The following ST6GAL2 variants were observed in gnomAD, a reference collection of about 807,000 sequenced individuals.
The protein encoded by ST6GAL2 is ST6 beta-galactoside alpha-2,6-sialyltransferase 2, also known as beta-galactoside alpha-2,6-sialyltransferase 2.
ST6GAL2 carries 24 observed loss-of-function variants against 37.5 expected under a neutral mutation model. The ratio of observed to expected loss-of-function variants is 0.64; its 90% CI spans 0.46 to 0.90. ST6GAL2 has a LOEUF of 0.90. Ranked by LOEUF, ST6GAL2 falls within the 40% of genes least tolerant of loss-of-function variation. The pLI is 0.00. For synonymous variants in ST6GAL2, 306 were observed against 295.1 expected (o/e 1.04, Z -0.38); for missense variants, 715 against 712.7 (o/e 1.00, Z -0.04).
chr2:106,826,657 C>T (rs183293180), intron 5 of ST6GAL2, among the ~76,000 whole-genome samples: 18 of 152,200 alleles, frequency 1.2e-4, no homozygotes, highest in Admixed American at 1.1e-3. Context: ...CCACCAGGCC[C>T]AGGTGAATTG....
chr2:106,847,960 A>C (rs1395172082), intron 1 of ST6GAL2, among the ~76,000 whole-genome samples: 1 of 152,128 alleles, frequency 6.6e-6, no homozygotes. Context: ...GAGTGAACTT[A>C]ATCTCCAGTG....
intron 1 of ST6GAL2, among the ~76,000 whole-genome samples, chr2:106,885,100 C>A (rs898630522): frequency 9.9e-5 from 15 of 151,472 alleles, no homozygotes; most frequent in Non-Finnish European, 1.8e-4. Flanking sequence ...AAGTAACCAG[C>A]ATGGGGTTTT....
chr2:106,878,881 T>C (rs1678622316), intron 1 of ST6GAL2, among the ~76,000 whole-genome samples: 1 of 152,158 alleles, frequency 6.6e-6, no homozygotes. Flanking sequence ...AAGAACAAGA[T>C]TGAGCTAATT....
rs1015055636 is a variant in ST6GAL2, at chr2:106,801,793, T to C, written c.*4885A>G. On this transcript the variant is annotated 3_prime_UTR_variant, in exon 6 of 6. Coordinates refer to ENST00000409382, the MANE Select transcript of ST6GAL2 (RefSeq NM_001142351.2). Reference sequence around the variant, plus strand: ...ACACATTTCATTTTAAAAATTATCATACAAAAGAATTCCCAAAGCTGTTAA... The same window carrying C: ...ACACATTTCATTTTAAAAATTATCACACAAAAGAATTCCCAAAGCTGTTAA... The C allele has an allele frequency of 3.9e-5, 6 of 152,206 alleles. No homozygotes were observed. The highest frequency in any genetic ancestry group is 8.8e-5 in the Non-Finnish European group (6 of 68,036). 9.4% of individuals were successfully genotyped at this position (152,206 alleles called of 1,614,324 possible). A position where few individuals can be genotyped will look rare whatever the true frequency, so the allele number is the denominator to read the frequency against.
rs1677013243 is a variant in ST6GAL2, at chr2:106,843,581, A to G, written c.397T>C (p.Phe133Leu). 2 of 1,613,984 alleles carry G rather than the reference A, an allele frequency of 1.2e-6. No homozygotes were observed. The highest frequency in any genetic ancestry group is 4.5e-5 in the East Asian group (2 of 44,852). Residue 133 changes from phenylalanine to leucine, a missense_variant, in exon 2 of 6, where the codon TTT (phenylalanine) becomes CTT (leucine). By Grantham distance (22) the Phe-to-Leu change is conservative. Coordinates refer to ENST00000409382, the MANE Select transcript of ST6GAL2 (RefSeq NM_001142351.2). ...TGCCACCCTGGCTGACCAGCAGCAA[A>G]AAAGTAGTCGTCATCCTCCGGGTAG... ...AFYPEDDDYFFAAGQPGWHSH... is the reference protein window; with the variant it reads ...AFYPEDDDYFLAAGQPGWHSH...
chr2:106,847,111 T>C (rs1198547819), intron 1 of ST6GAL2, among the ~76,000 whole-genome samples: 1 of 152,218 alleles, frequency 6.6e-6, no homozygotes, highest in Non-Finnish European at 1.5e-5. Flanking sequence ...TGGTGAAGGG[T>C]AATTTTTCCC....
chr2:106,868,718 G>T (rs897075547), intron 1 of ST6GAL2, among the ~76,000 whole-genome samples: 2 of 152,156 alleles, frequency 1.3e-5, no homozygotes, highest in Admixed American at 6.5e-5. Context: ...TGACAAAACT[G>T]TCATCAATCT....
rs1675276966 is a variant in ST6GAL2 at position 106,802,070 on chromosome 2, A to G, written c.*4608T>C. 1 of 152,230 alleles carries G rather than the reference A, an allele frequency of 6.6e-6. No homozygotes were observed. The highest frequency in any genetic ancestry group is 2.1e-4 in the South Asian group (1 of 4,820). The allele number at this position is 152,230 out of a possible 1,614,324, so 9.4% of individuals were successfully genotyped here. On this transcript the variant is annotated 3_prime_UTR_variant, in exon 6 of 6. Coordinates refer to ENST00000409382, the MANE Select transcript of ST6GAL2 (RefSeq NM_001142351.2). ...TCTGACTAGGATAAAATATTAAGGT[A>G]GTGTTCTACCTTCATAGTGCCTTTT...
At chr2:106,826,868 T>C (rs924424375) in intron 5 of ST6GAL2, among the ~76,000 whole-genome samples, 2 of 152,302 alleles carry the variant, frequency 1.3e-5, no homozygotes, top group East Asian at 1.9e-4. Flanking sequence ...CTAATGAGCA[T>C]ATCAGTATAG....
chr2:106,815,507 CTA>C (rs1318845037), intron 5 of ST6GAL2, among the ~76,000 whole-genome samples: 3 of 152,152 alleles, frequency 2.0e-5, no homozygotes, highest in Non-Finnish European at 4.4e-5. Flanking sequence ...AAACAAAAGT[CTA>C]TTTTCACCTT....
At chr2:106,876,466 TA>T (rs1302055155) in intron 1 of ST6GAL2, among the ~76,000 whole-genome samples, 3 of 152,260 alleles carry the variant, frequency 2.0e-5, no homozygotes, top group Non-Finnish European at 4.4e-5. Flanking sequence ...CATTCCTGGT[TA>T]ACTTTACCTT....
At chr2:106,837,981 C>G (rs1676716981) in intron 2 of ST6GAL2, among the ~76,000 whole-genome samples, 1 of 152,126 alleles carries the variant, frequency 6.6e-6, no homozygotes. Flanking sequence ...TGCAAGCCCT[C>G]TATGAACAGC....
intron 1 of ST6GAL2, among the ~76,000 whole-genome samples, chr2:106,884,934 T>TATATATATATATATATATACACAC (rs1425070594): frequency 1.7e-5 from 2 of 120,464 alleles, no homozygotes; most frequent in African/African-American, 3.6e-5. Context: ...TATATATATA[T>TATATATATATATATATATACACAC]ACATACACAC....
intron 1 of ST6GAL2, among the ~76,000 whole-genome samples, chr2:106,869,330 G>C (rs1202284010): frequency 6.6e-6 from 1 of 152,166 alleles, no homozygotes. Context: ...CTTCCATTGA[G>C]ATATTTGGAC....
In ST6GAL2 at chr2:106,802,086, A is replaced by G. The variant is rs1333437834; in HGVS notation, c.*4592T>C. On this transcript the variant is annotated 3_prime_UTR_variant, in exon 6 of 6. Coordinates refer to ENST00000409382, the MANE Select transcript of ST6GAL2 (RefSeq NM_001142351.2). The stretch of plus-strand genomic sequence containing the variant: ...TATTAAGGTAGTGTTCTACCTTCAT[A>G]GTGCCTTTTAAATAATTCTGTCAGT... 6.6e-6 allele frequency: 1 copy of G among 152,226 alleles called. No individual in the cohort carries two copies. The highest frequency in any genetic ancestry group is 1.5e-5 in the Non-Finnish European group (1 of 68,038). The allele number at this position is 152,226 out of a possible 1,614,324, so 9.4% of individuals were successfully genotyped here.
intron 1 of ST6GAL2, among the ~76,000 whole-genome samples, chr2:106,852,012 A>T (rs78081997): frequency 0.013 from 2,025 of 151,844 alleles, 48 homozygotes; most frequent in African/African-American, 0.045. Flanking sequence ...ATCTCTTAAC[A>T]CCCTTATTGG....
At chr2:106,847,881 C>T (rs1198352958) in intron 1 of ST6GAL2, among the ~76,000 whole-genome samples, 1 of 152,040 alleles carries the variant, frequency 6.6e-6, no homozygotes, top group Non-Finnish European at 1.5e-5. Flanking sequence ...CTCCAGTGAA[C>T]CCCAGAATCT....
chr2:106,845,353 T>G (rs1677101190), intron 1 of ST6GAL2, among the ~76,000 whole-genome samples: 1 of 152,174 alleles, frequency 6.6e-6, no homozygotes, highest in African/African-American at 2.4e-5. Flanking sequence ...ATGCATTGGT[T>G]CCATGGGCTT....
intron 5 of ST6GAL2, among the ~76,000 whole-genome samples, chr2:106,817,749 T>C (rs1675855648): frequency 6.6e-6 from 1 of 152,186 alleles, no homozygotes; most frequent in Non-Finnish European, 1.5e-5. Flanking sequence ...CAAAGTGGGT[T>C]AGAGCACCAA....
Sources: allele counts gnomAD v4.1 joint callset (sites outside exome capture counted in the v4.1 genomes callset), GRCh38; gene constraint gnomAD v4.1.1; transcripts MANE v1.5; gene names NCBI Gene and HGNC (gene_info 2026-07-23, HGNC 2026-07-21).